PCDHGB2: variants seen among roughly 807,000 people sequenced by gnomAD.
PCDHGB2 encodes protocadherin gamma-B2.
PCDHGB2 carries 55 observed loss-of-function variants against 59.3 expected under a neutral mutation model. The observed-to-expected ratio is 0.93, with a 90% CI of 0.75 to 1.16. The LOEUF is 1.16. PCDHGB2 is among the 50% of genes most tolerant of loss of function. The probability of loss-of-function intolerance (pLI) is 0.00; values close to 1 mark genes in which losing one functional copy is unlikely to be tolerated. For missense variants in PCDHGB2, 1,228 were observed against 1,198.5 expected (o/e 1.02, Z -0.36); for synonymous variants, 516 against 512.0 (o/e 1.01, Z -0.11).
At chr5:141,372,842 A>G in intron 1 of PCDHGB2, 1 of 1,515,016 alleles carries the variant, frequency 6.6e-7, no homozygotes, top group Middle Eastern at 1.7e-4. Context: ...TTCCATAAAT[A>G]TAATTGGGTT....
chr5:141,370,576 T>C, intron 1 of PCDHGB2: 1 of 1,613,974 alleles, frequency 6.2e-7, no homozygotes, highest in Non-Finnish European at 8.5e-7. Context: ...GTGGGGGATT[T>C]ACCTACTAGG....
chr5:141,455,919 A>T, intron 1 of PCDHGB2, among the ~76,000 whole-genome samples: 1 of 145,568 alleles, frequency 6.9e-6, no homozygotes, highest in Non-Finnish European at 1.5e-5. Context: ...TTATTTTGAG[A>T]CGGAGTCTCG....
rs1762266542 is a variant in PCDHGB2, at chr5:141,361,983, C to T, written c.1848C>T (p.Leu616=). Reference sequence around the variant, plus strand: ...TGCTGCAGGCCAGCGAGCCCGGGCTCTTCAGCCTGGGGTTGCGCACGGGTG... The same window carrying T: ...TGCTGCAGGCCAGCGAGCCCGGGCTTTTCAGCCTGGGGTTGCGCACGGGTG... ...YHVLQASEPG[L]FSLGLRTGEV... is the part of the protein sequence containing the mutation. The change falls in exon 1 of 4, where the codon CTC becomes CTT. Residue 616 remains leucine (L), a synonymous_variant. Coordinates refer to ENST00000522605, the MANE Select transcript of PCDHGB2 (RefSeq NM_018923.3). 1.2e-6 allele frequency: 2 copies of T among 1,601,638 alleles called. No homozygotes were observed. The highest frequency in any genetic ancestry group is 2.2e-5 in the East Asian group (1 of 44,730).
At chr5:141,422,348 A>G (rs1163115969) in intron 1 of PCDHGB2, 1 of 1,554,608 alleles carries the variant, frequency 6.4e-7, no homozygotes, top group Non-Finnish European at 8.7e-7. Context: ...AATGTGCAAG[A>G]TCAAGATTCT....
chr5:141,374,400 T>A (rs1389485133), intron 1 of PCDHGB2: 2 of 1,613,908 alleles, frequency 1.2e-6, no homozygotes, highest in Non-Finnish European at 1.7e-6. Flanking sequence ...CTGGTGAGTT[T>A]TAACATCCTT....
chr5:141,418,016 G>C (rs772945671), intron 1 of PCDHGB2: 1 of 1,613,968 alleles, frequency 6.2e-7, no homozygotes, highest in Non-Finnish European at 8.5e-7. Context: ...CCTCGCTAAG[G>C]ATCTAGGGCT....
At position 141,485,035 on chromosome 5, in the gene PCDHGB2, AC is replaced by A; in HGVS notation, c.2422-9769del. ...CCGCCACCAGCAAAAACGGCGCGTA[AC>A]CCTTGCGGCGCCGGCCGAACCGCGC... On this transcript the variant is annotated intron_variant, in intron 1 of 3. Coordinates refer to ENST00000522605, the MANE Select transcript of PCDHGB2 (RefSeq NM_018923.3). The surrounding 1 kb of genome is among the most constrained non-coding windows in gnomAD (Gnocchi z 5.7). 1.4e-6 allele frequency: 1 copy of A among 694,388 alleles called. No homozygotes were observed. Among genetic ancestry groups the A allele is most frequent in the East Asian group, 2.6e-5 (1 of 38,852 alleles). The allele number at this position is 694,388 out of a possible 1,614,324, so 43.0% of individuals were successfully genotyped here.
chr5:141,361,440 C>T lies in PCDHGB2; in HGVS notation c.1305C>T (p.Ser435=). Residue 435 remains serine, a synonymous_variant, in exon 1 of 4, where the codon AGC becomes AGT. Coordinates refer to ENST00000522605, the MANE Select transcript of PCDHGB2 (RefSeq NM_018923.3). Reference sequence around the variant, plus strand: ...GGGGCAAGCCGCCCCTCTCCTCCAGCATAATTGTCACCCTGCACATCTCCG... The same window carrying T: ...GGGGCAAGCCGCCCCTCTCCTCCAGTATAATTGTCACCCTGCACATCTCCG... ...TDGGKPPLSS[S]IIVTLHISDV... 6.2e-7 allele frequency: 1 copy of T among 1,614,042 alleles called. No individual in the cohort carries two copies. Among genetic ancestry groups the T allele is most frequent in the South Asian group, 1.1e-5 (1 of 91,086 alleles).
intron 1 of PCDHGB2, chr5:141,370,741 T>C (rs746594689): frequency 6.2e-7 from 1 of 1,613,900 alleles, no homozygotes; most frequent in Non-Finnish European, 8.5e-7. Flanking sequence ...CCTTTAAACT[T>C]TTTTCATGTA....
intron 1 of PCDHGB2, chr5:141,388,188 T>C: frequency 6.5e-7 from 1 of 1,540,372 alleles, no homozygotes; most frequent in South Asian, 1.1e-5. Context: ...GAAGCCAGCT[T>C]GTGCTCTGGA....
chr5:141,403,080 A>G, intron 1 of PCDHGB2: 2 of 1,614,078 alleles, frequency 1.2e-6, no homozygotes, highest in Non-Finnish European at 1.7e-6. Flanking sequence ...GAAAAGGGCT[A>G]TATTGTGGGC....
In PCDHGB2 at chr5:141,409,864, C is replaced by A. The variant is rs772646188; in HGVS notation, c.2421+47308C>A. The A allele has an allele frequency of 1.9e-6, 3 of 1,612,574 alleles. No individual in the cohort carries two copies. The East Asian group carries it at 6.7e-5, about 36-fold the overall frequency. Reference sequence around the variant, plus strand: ...TGAGCCTGCGCGTGTTGGTGGGAGACCGCAATGACAACGCACCGCGGGTGC... The same window carrying A: ...TGAGCCTGCGCGTGTTGGTGGGAGAACGCAATGACAACGCACCGCGGGTGC... On this transcript the variant is annotated intron_variant, in intron 1 of 3. Transcript: ENST00000522605.
In PCDHGB2 at chr5:141,360,300, G is replaced by T; in HGVS notation, c.165G>T (p.Gly55=). ...TAGGAAACCTCGCCAAGGATCTGGGGCTCAGCGTCCGGGACTTGCCAGCCC... is the reference window on the plus strand; with the variant it reads ...TAGGAAACCTCGCCAAGGATCTGGGTCTCAGCGTCCGGGACTTGCCAGCCC... ...SVVGNLAKDL[G]LSVRDLPARK... Residue 55 remains glycine (G), a synonymous_variant, in exon 1 of 4, where the codon GGG becomes GGT. Transcript: ENST00000522605. 1 of 1,613,978 alleles carries T rather than the reference G, an allele frequency of 6.2e-7. No individual in the cohort carries two copies. The highest frequency in any genetic ancestry group is 1.1e-5 in the South Asian group (1 of 91,084).
At chr5:141,374,619 C>G in intron 1 of PCDHGB2, 2 of 1,613,466 alleles carry the variant, frequency 1.2e-6, no homozygotes, top group Non-Finnish European at 1.7e-6. Flanking sequence ...AGTCACTTCT[C>G]AGTGGACGTG....
intron 1 of PCDHGB2, chr5:141,383,477 A>T: frequency 6.2e-7 from 1 of 1,613,722 alleles, no homozygotes; most frequent in Non-Finnish European, 8.5e-7. Context: ...AAGTACCCGG[A>T]ACTGGTGCTG....
chr5:141,360,915 T>C lies in PCDHGB2; in HGVS notation c.780T>C (p.Phe260=). The change falls in exon 1 of 4, where the codon TTT becomes TTC. Residue 260 remains phenylalanine, a synonymous_variant. Transcript: ENST00000522605. ...GGGAGGACGTGCCGCCGGGCTTCTTTGTGCTTCAAGTGACAGCCACCGACC... is the reference window on the plus strand; with the variant it reads ...GGGAGGACGTGCCGCCGGGCTTCTTCGTGCTTCAAGTGACAGCCACCGACC... The part of the protein sequence containing the change: ...TLREDVPPGF[F]VLQVTATDRD... 6.2e-7 allele frequency: 1 copy of C among 1,614,010 alleles called. No individual in the cohort carries two copies. Among genetic ancestry groups the C allele is most frequent in the South Asian group, 1.1e-5 (1 of 91,074 alleles).
rs1472806327 is a variant in PCDHGB2 at position 141,447,891 on chromosome 5, G to C, written c.2422-46916G>C. Among the ~76,000 whole-genome samples the C allele has an allele frequency of 1.3e-5, 2 of 152,080 alleles. 1 individual carries two copies. Among genetic ancestry groups the C allele is most frequent in the African/African-American group, 4.8e-5 (2 of 41,408 alleles). On this transcript the variant is annotated intron_variant, in intron 1 of 3. Coordinates refer to ENST00000522605, the MANE Select transcript of PCDHGB2 (RefSeq NM_018923.3). Reference sequence around the variant, plus strand: ...ATCTGAGGTCAGGAGTTCGAGACCAGCCTGGCCAACATGGTGAAACTCTGT... The same window carrying C: ...ATCTGAGGTCAGGAGTTCGAGACCACCCTGGCCAACATGGTGAAACTCTGT...
At chr5:141,422,898 C>CTCTG (rs747261683) in intron 1 of PCDHGB2, 4 of 1,614,250 alleles carry the variant, frequency 2.5e-6, no homozygotes, top group Non-Finnish European at 3.4e-6. Flanking sequence ...TGGACCAGAA[C>CTCTG]GACAATGCGC....
intron 1 of PCDHGB2, among the ~76,000 whole-genome samples, chr5:141,488,463 C>T (rs926068842): frequency 6.6e-6 from 1 of 152,164 alleles, no homozygotes; most frequent in African/African-American, 2.4e-5. Flanking sequence ...GATTCAGCCC[C>T]AGAAATGTTC....
Sources: allele counts gnomAD v4.1 joint callset (sites outside exome capture counted in the v4.1 genomes callset), GRCh38; gene constraint gnomAD v4.1.1; non-coding constraint Gnocchi (gnomAD v3.1); transcripts MANE v1.5; gene names NCBI Gene and HGNC (gene_info 2026-07-23, HGNC 2026-07-21).